The following ATP8A1 variants were observed in gnomAD, a reference collection of about 807,000 sequenced individuals.
ATP8A1 encodes phospholipid-transporting ATPase IA.
A neutral mutation model predicts 177.7 loss-of-function variants in ATP8A1; 90 were observed. That is an observed-to-expected ratio of 0.51 (90% CI 0.43 to 0.60). The LOEUF (loss-of-function observed/expected upper bound fraction) is 0.60, where lower values mean the gene tolerates loss of function less well. Among genes scored for constraint, ATP8A1 ranks in the 20% least tolerant of loss-of-function variants. ATP8A1 has a pLI of 0.00. For missense variants in ATP8A1, 1,072 were observed against 1,392.8 expected (o/e 0.77, Z 3.67); for synonymous variants, 493 against 485.9 (o/e 1.01, Z -0.19).
intron 25 of ATP8A1, chr4:42,472,047 G>A: frequency 1.4e-6 from 1 of 721,424 alleles, no homozygotes; most frequent in Non-Finnish European, 2.6e-6. Context: ...ACTCTGGCTA[G>A]TACGTGAATT....
intron 24 of ATP8A1, among the ~76,000 whole-genome samples, chr4:42,486,731 C>T (rs1012529884): frequency 3.3e-5 from 5 of 152,224 alleles, no homozygotes; most frequent in Middle Eastern, 3.4e-3. Flanking sequence ...GATTGTGAGA[C>T]CATATTTTTA....
intron 1 of ATP8A1, among the ~76,000 whole-genome samples, chr4:42,635,893 G>A (rs1462065612): frequency 6.7e-6 from 1 of 148,428 alleles, no homozygotes; most frequent in Non-Finnish European, 1.5e-5. Context: ...AAAGGTTGAG[G>A]AAGATCTAAG....
chr4:42,456,705 G>C (rs1718527062), intron 27 of ATP8A1, among the ~76,000 whole-genome samples: 1 of 152,150 alleles, frequency 6.6e-6, no homozygotes, highest in African/African-American at 2.4e-5. Context: ...CCAGCAATGA[G>C]ATTACATAAG....
intron 1 of ATP8A1, among the ~76,000 whole-genome samples, chr4:42,631,792 A>G (rs1738763785): frequency 6.6e-6 from 1 of 152,150 alleles, no homozygotes; most frequent in Non-Finnish European, 1.5e-5. Context: ...CTAGGAACCA[A>G]TCTAGCCCCC....
chr4:42,634,103 C>G (rs773557989), intron 1 of ATP8A1, among the ~76,000 whole-genome samples: 6 of 152,114 alleles, frequency 3.9e-5, no homozygotes, highest in Non-Finnish European at 8.8e-5. Flanking sequence ...TTCGAGGACA[C>G]TGTGATAATC....
intron 9 of ATP8A1, among the ~76,000 whole-genome samples, chr4:42,585,002 C>A (rs1171578365): frequency 6.6e-6 from 1 of 152,132 alleles, no homozygotes; most frequent in Non-Finnish European, 1.5e-5. Flanking sequence ...GATCATAGCA[C>A]TCCAACCACA....
intron 30 of ATP8A1, 118 bp from the exon 31 acceptor site, chr4:42,446,762 G>T: frequency 1.8e-4 from 123 of 685,786 alleles, no homozygotes; most frequent in Non-Finnish European, 1.7e-4. Flanking sequence ...AATGGAGCCA[G>T]AAATGAGATT....
At chr4:42,548,554 T>C (rs1228871837) in intron 19 of ATP8A1, among the ~76,000 whole-genome samples, 1 of 152,208 alleles carries the variant, frequency 6.6e-6, no homozygotes, top group African/African-American at 2.4e-5. Context: ...TCTGGGAACA[T>C]TTTAAGTCCT....
intron 15 of ATP8A1, among the ~76,000 whole-genome samples, chr4:42,567,078 T>C (rs1304031475): frequency 1.3e-5 from 2 of 152,214 alleles, no homozygotes; most frequent in African/African-American, 2.4e-5. Flanking sequence ...ACAGTACCAG[T>C]AGAATGAAAA....
chr4:42,655,495 T>C (rs534920442), intron 1 of ATP8A1, among the ~76,000 whole-genome samples: 1 of 152,336 alleles, frequency 6.6e-6, no homozygotes, highest in African/African-American at 2.4e-5. Context: ...TCTCTATGAC[T>C]AATTTCACTC....
intron 5 of ATP8A1, among the ~76,000 whole-genome samples, chr4:42,603,239 A>G (rs1453879073): frequency 6.6e-6 from 1 of 152,156 alleles, no homozygotes; most frequent in Non-Finnish European, 1.5e-5. Context: ...ACTTATTTAC[A>G]TCTTAATTTT....
chr4:42,561,648 G>C (rs751938249), intron 15 of ATP8A1: 1 of 152,356 alleles, frequency 6.6e-6, no homozygotes, highest in South Asian at 2.1e-4. Context: ...CTTTTGTAGG[G>C]GGCTCGTAGT....
At chr4:42,522,364 GTTT>G in intron 21 of ATP8A1, 65 bp from the exon 22 acceptor site, 2 of 1,563,404 alleles carry the variant, frequency 1.3e-6, no homozygotes, top group Non-Finnish European at 1.7e-6. Flanking sequence ...TGAGGTTTCT[GTTT>G]TTATTTCACA....
chr4:42,465,595 C>G (rs989302861), intron 25 of ATP8A1, among the ~76,000 whole-genome samples: 11 of 152,130 alleles, frequency 7.2e-5, no homozygotes, highest in African/African-American at 2.7e-4. Context: ...TCTTCCAAAG[C>G]CACTAAGGGT....
At position 42,636,176 on chromosome 4, in the gene ATP8A1, GCTT is replaced by G. The variant is rs200307233; in HGVS notation, c.50-9070_50-9068del. 2.3e-4 allele frequency among the ~76,000 whole-genome samples: 28 copies of G among 123,412 alleles called. No individual in the cohort carries two copies. In the East Asian group the frequency reaches 5.8e-3, roughly 26 times the overall value. The allele number at this position is 123,412 out of a possible 152,430, so 81.0% of individuals were successfully genotyped here. The stretch of plus-strand genomic sequence containing the variant: ...CACACACGCACACACACACACATAA[GCTT>G]CTTAAGCTGGATCAAAACAATTCTT... On this transcript the variant is annotated intron_variant, in intron 1 of 36. Transcript: ENST00000381668.
intron 14 of ATP8A1, among the ~76,000 whole-genome samples, chr4:42,573,717 T>G (rs1350146008): frequency 6.6e-6 from 1 of 152,074 alleles, no homozygotes; most frequent in Non-Finnish European, 1.5e-5. Context: ...TACTTATTTA[T>G]AATTTTAACT....
chr4:42,556,078 T>G, intron 15 of ATP8A1, 38 bp from the exon 16 acceptor site: 3 of 1,424,042 alleles, frequency 2.1e-6, no homozygotes, highest in Non-Finnish European at 3.0e-6. Context: ...CCAGTTCATT[T>G]ATACCAGCCC....
chr4:42,482,334 C>A lies in ATP8A1; in HGVS notation c.2324+3162G>T, dbSNP rs368216978. 3.2e-4 allele frequency among the ~76,000 whole-genome samples: 47 copies of A among 145,074 alleles called. No homozygotes were observed. In the East Asian group the frequency reaches 3.4e-3, roughly 11 times the overall value. On this transcript the variant is annotated intron_variant, in intron 25 of 36. Transcript: ENST00000381668. The stretch of plus-strand genomic sequence containing the variant: ...ACAAAAAAACAAACAAACAAACAAA[C>A]AAAAAAAAAAAAGAAAAGAAAATAC...
intron 18 of ATP8A1, among the ~76,000 whole-genome samples, chr4:42,550,605 C>A (rs1729407810): frequency 6.6e-6 from 1 of 152,126 alleles, no homozygotes; most frequent in Non-Finnish European, 1.5e-5. Flanking sequence ...ACATTTGGTG[C>A]TATCCATTTT....
Sources: allele counts gnomAD v4.1 joint callset (sites outside exome capture counted in the v4.1 genomes callset), GRCh38; gene constraint gnomAD v4.1.1; transcripts MANE v1.5; gene names NCBI Gene and HGNC (gene_info 2026-07-23, HGNC 2026-07-21).